MSRB3: variants seen among roughly 807,000 people sequenced by gnomAD.
MSRB3 encodes the protein methionine-R-sulfoxide reductase B3.
A neutral mutation model predicts 21.0 loss-of-function variants in MSRB3; 13 were observed. The ratio of observed to expected loss-of-function variants is 0.62; its 90% CI spans 0.40 to 0.98. The LOEUF (loss-of-function observed/expected upper bound fraction) is 0.98, where lower values mean the gene tolerates loss of function less well. MSRB3 is among the 50% of genes least tolerant of loss of function. The probability of loss-of-function intolerance (pLI) is 0.00; values close to 1 mark genes in which losing one functional copy is unlikely to be tolerated. For synonymous variants in MSRB3, 87 were observed against 88.6 expected, an observed-to-expected ratio of 0.98 and a Z score of 0.10; for missense variants, 199 against 230.3, an observed-to-expected ratio of 0.86 and a Z score of 0.88.
At chr12:65,399,922 C>A (rs768166666) in intron 5 of MSRB3, among the ~76,000 whole-genome samples, 3 of 152,022 alleles carry the variant, frequency 2.0e-5, no homozygotes, top group Admixed American at 2.0e-4. Context: ...TTGCACATGT[C>A]GAACCAGCCT....
chr12:65,435,509 G>T (rs2136670778), intron 5 of MSRB3, among the ~76,000 whole-genome samples: 1 of 151,924 alleles, frequency 6.6e-6, no homozygotes, highest in Admixed American at 6.6e-5. Flanking sequence ...ATAATATTTT[G>T]TCAGAGCTAT....
intron 5 of MSRB3, among the ~76,000 whole-genome samples, chr12:65,376,177 T>C (rs1417225446): frequency 6.7e-6 from 1 of 149,328 alleles, no homozygotes; most frequent in Non-Finnish European, 1.5e-5. Context: ...CAGAGTGCAG[T>C]GGCGCCGTCT....
chr12:65,383,911 G>A (rs528559293), intron 5 of MSRB3, among the ~76,000 whole-genome samples: 37 of 152,188 alleles, frequency 2.4e-4, no homozygotes, highest in African/African-American at 8.2e-4. Flanking sequence ...CACCCGCCTC[G>A]GCCTCCCAAA....
chr12:65,348,303 T>C (rs1278764573), intron 4 of MSRB3, among the ~76,000 whole-genome samples: 2 of 152,158 alleles, frequency 1.3e-5, no homozygotes, highest in Non-Finnish European at 2.9e-5. Context: ...TTCTTCCTGG[T>C]TTAGTCTTGG....
At position 65,451,988 on chromosome 12, in the gene MSRB3, C is replaced by T. The variant is rs369412967; in HGVS notation, c.293-1740C>T. ...GGGAGGAAAGCATGAAAATAAATTACAAATCCAGGGTGATGCCTAGAACAA... is the reference window on the plus strand; with the variant it reads ...GGGAGGAAAGCATGAAAATAAATTATAAATCCAGGGTGATGCCTAGAACAA... On this transcript the variant is annotated intron_variant, in intron 5 of 6. Coordinates refer to ENST00000308259, the MANE Select transcript of MSRB3 (RefSeq NM_001031679.3). Among the ~76,000 whole-genome samples, 11 of 152,242 alleles carry T rather than the reference C, an allele frequency of 7.2e-5. No individual in the cohort carries two copies. In the East Asian group the frequency reaches 1.2e-3, roughly 16 times the overall value.
chr12:65,359,136 C>CTAAA (rs1877560294), intron 4 of MSRB3, among the ~76,000 whole-genome samples: 3 of 151,876 alleles, frequency 2.0e-5, no homozygotes, highest in African/African-American at 7.3e-5. Context: ...AACAATGGTG[C>CTAAA]GTTTAGGCCC....
At chr12:65,394,928 G>A (rs904483987) in intron 5 of MSRB3, among the ~76,000 whole-genome samples, 2 of 152,056 alleles carry the variant, frequency 1.3e-5, no homozygotes, top group African/African-American at 2.4e-5. Flanking sequence ...ACTCAATAAA[G>A]GACATATGAA....
chr12:65,413,252 T>C (rs1880809190), intron 5 of MSRB3, among the ~76,000 whole-genome samples: 1 of 152,212 alleles, frequency 6.6e-6, no homozygotes, highest in African/African-American at 2.4e-5. Flanking sequence ...CAGTGTTTAG[T>C]GGCATATATC....
chr12:65,307,066 A>G, intron 1 of MSRB3: 1 of 983,130 alleles, frequency 1.0e-6, no homozygotes, highest in Non-Finnish European at 1.2e-6. Context: ...CCTCACAGAG[A>G]AGGGTCACAG....
intron 1 of MSRB3, among the ~76,000 whole-genome samples, chr12:65,292,386 C>T (rs1258403997): frequency 6.6e-6 from 1 of 152,146 alleles, no homozygotes; most frequent in African/African-American, 2.4e-5. Context: ...AATTACTTAG[C>T]ACAGTAATTC....
At chr12:65,374,925 A>G (rs948802535) in intron 5 of MSRB3, among the ~76,000 whole-genome samples, 14 of 151,314 alleles carry the variant, frequency 9.3e-5, no homozygotes, top group African/African-American at 2.7e-4. Flanking sequence ...TCTCGGCTCA[A>G]TGCAAGCTCC....
chr12:65,344,989 A>G (rs1384037992), intron 4 of MSRB3, among the ~76,000 whole-genome samples: 1 of 152,016 alleles, frequency 6.6e-6, no homozygotes, highest in Admixed American at 6.6e-5. Context: ...GTCCAGGCGA[A>G]GGTTAAGGAA....
At position 65,435,053 on chromosome 12, in the gene MSRB3, C is replaced by A. The variant is rs952192419; in HGVS notation, c.293-18675C>A. 9.9e-5 allele frequency among the ~76,000 whole-genome samples: 15 copies of A among 151,894 alleles called. No homozygotes were observed. The East Asian group carries it at 1.9e-3, about 20-fold the overall frequency. ...GGATGGAAATTAGAGGTAGACTCCA[C>A]GGCACTTAATGACTAAGTGGATATA... On this transcript the variant is annotated intron_variant, in intron 5 of 6. Coordinates refer to ENST00000308259, the MANE Select transcript of MSRB3 (RefSeq NM_001031679.3).
chr12:65,437,727 GTGAA>G (rs10533337), intron 5 of MSRB3, among the ~76,000 whole-genome samples: 81,602 of 151,158 alleles, frequency 0.54, 22,376 homozygotes, highest in Non-Finnish European at 0.61. Context: ...TATTCCCCAG[GTGAA>G]TGAATAATAA....
At chr12:65,366,774 A>G (rs1225877279) in intron 4 of MSRB3, among the ~76,000 whole-genome samples, 1 of 152,166 alleles carries the variant, frequency 6.6e-6, no homozygotes, top group African/African-American at 2.4e-5. Context: ...AAGTGTTTTC[A>G]TTTGGATAGT....
chr12:65,453,034 A>G (rs1352369854), intron 5 of MSRB3, among the ~76,000 whole-genome samples: 2 of 152,224 alleles, frequency 1.3e-5, no homozygotes, highest in African/African-American at 4.8e-5. Context: ...AAGTGTGCAT[A>G]TATTTTTAAA....
At chr12:65,460,786 T>C (rs977106578) in intron 6 of MSRB3, among the ~76,000 whole-genome samples, 2 of 151,600 alleles carry the variant, frequency 1.3e-5, no homozygotes, top group Non-Finnish European at 2.9e-5. Flanking sequence ...AGAATCAGTG[T>C]TTTCCTTTCT....
intron 2 of MSRB3, among the ~76,000 whole-genome samples, chr12:65,318,073 T>C (rs1175011556): frequency 1.3e-5 from 2 of 152,122 alleles, no homozygotes; most frequent in African/African-American, 4.8e-5. Context: ...TTGATAAATT[T>C]GAGTGAAAAA....
intron 1 of MSRB3, among the ~76,000 whole-genome samples, chr12:65,298,628 C>T (rs529546238): frequency 1.2e-3 from 185 of 152,108 alleles, no homozygotes; most frequent in African/African-American, 4.3e-3. Context: ...AGTCCATTTT[C>T]ATAAAACTTC....
Sources: gnomAD v4.1 joint callset for allele counts (sites outside exome capture counted in the v4.1 genomes callset) on GRCh38, gnomAD v4.1.1 for gene constraint, MANE v1.5 for transcripts, NCBI Gene and HGNC (gene_info 2026-07-23, HGNC 2026-07-21) for gene names.